RNF150: variants seen among roughly 807,000 people sequenced by gnomAD.
RNF150 encodes ring finger protein 150.
A neutral mutation model predicts 39.3 loss-of-function variants in RNF150; 24 were observed. The ratio of observed to expected loss-of-function variants is 0.61; its 90% confidence interval spans 0.44 to 0.86. The LOEUF is 0.86. Ranked by LOEUF, RNF150 falls within the 40% of genes least tolerant of loss-of-function variation. The pLI is 0.00. For synonymous variants in RNF150, 255 were observed against 227.3 expected (o/e 1.12, Z -1.10); for missense variants, 502 against 587.8 (o/e 0.85, Z 1.51).
intron 1 of RNF150, among the ~76,000 whole-genome samples, chr4:141,153,276 T>C (rs1417208258): frequency 4.6e-5 from 7 of 152,142 alleles, no homozygotes; most frequent in African/African-American, 1.7e-4. Context: ...GTACCACAGA[T>C]GGTGACTGTG....
chr4:140,920,196 T>G (rs1472769411), intron 5 of RNF150, among the ~76,000 whole-genome samples: 1 of 149,532 alleles, frequency 6.7e-6, no homozygotes, highest in Non-Finnish European at 1.5e-5. Context: ...TGGGATCTAA[T>G]TGAACTAAAG....
At chr4:140,987,148 A>G (rs1734041966) in intron 1 of RNF150, among the ~76,000 whole-genome samples, 1 of 152,016 alleles carries the variant, frequency 6.6e-6, no homozygotes, top group Non-Finnish European at 1.5e-5. Context: ...TATTCCATGT[A>G]CATGAATTGG....
Position 140,868,247 on chromosome 4 carries a change from C to T in RNF150, c.*14G>A. ...CTTGGGTCCTACTATCTCTTTGCTT[C>T]TGGATTTGTCGTTTCAAGATTTCAC... On this transcript the variant is annotated 3_prime_UTR_variant, in exon 7 of 7. Coordinates refer to ENST00000515673, the MANE Select transcript of RNF150 (RefSeq NM_020724.2). 1.4e-6 allele frequency: 2 copies of T among 1,454,680 alleles called. No homozygotes were observed. Among genetic ancestry groups the T allele is most frequent in the African/African-American group, 1.4e-5 (1 of 71,750 alleles). 90.1% of individuals were successfully genotyped at this position (1,454,680 alleles called of 1,614,324 possible). A position where few individuals can be genotyped will look rare whatever the true frequency, so the allele number is the denominator to read the frequency against.
intron 1 of RNF150, among the ~76,000 whole-genome samples, chr4:141,123,823 T>C (rs1010039970): frequency 3.3e-5 from 5 of 152,214 alleles, no homozygotes; most frequent in East Asian, 1.9e-4. Context: ...GTCCTTGAGA[T>C]AGTTTTCTCA....
chr4:140,988,467 T>C (rs983709556), intron 1 of RNF150, among the ~76,000 whole-genome samples: 5 of 152,046 alleles, frequency 3.3e-5, no homozygotes, highest in African/African-American at 1.2e-4. Flanking sequence ...TGCAGTTGTA[T>C]TGTGAAAATA....
intron 1 of RNF150, among the ~76,000 whole-genome samples, chr4:141,146,254 C>A (rs1207749397): frequency 6.6e-6 from 1 of 152,170 alleles, no homozygotes; most frequent in Non-Finnish European, 1.5e-5. Context: ...AGCCTTTGAC[C>A]CTGTTTTCCT....
intron 1 of RNF150, among the ~76,000 whole-genome samples, chr4:141,129,739 A>T (rs770112237): frequency 3.3e-5 from 5 of 152,198 alleles, no homozygotes; most frequent in Non-Finnish European, 5.9e-5. Flanking sequence ...AGTGGCAGAA[A>T]ATCAAAATTA....
chr4:141,062,323 T>C (rs1482058454), intron 1 of RNF150, among the ~76,000 whole-genome samples: 2 of 152,106 alleles, frequency 1.3e-5, no homozygotes, highest in African/African-American at 4.8e-5. Context: ...ACATGCATCT[T>C]ATATATATCT....
At chr4:141,030,758 T>A (rs1735912841) in intron 1 of RNF150, among the ~76,000 whole-genome samples, 1 of 151,730 alleles carries the variant, frequency 6.6e-6, no homozygotes, top group Non-Finnish European at 1.5e-5. Flanking sequence ...TCTAAAGTAG[T>A]CAAATTTATA....
chr4:141,036,586 T>C (rs9997698), intron 1 of RNF150, among the ~76,000 whole-genome samples: 12,991 of 152,194 alleles, frequency 0.085, 614 homozygotes, highest in Middle Eastern at 0.18. Context: ...TGAAATTTTT[T>C]GAGAAGGCTT....
intron 1 of RNF150, among the ~76,000 whole-genome samples, chr4:141,167,482 G>C (rs545212558): frequency 6.6e-6 from 1 of 152,140 alleles, no homozygotes; most frequent in Non-Finnish European, 1.5e-5. Flanking sequence ...AGCCCATATA[G>C]CCAAGACAAT....
chr4:141,149,452 G>C (rs564931993), intron 1 of RNF150, among the ~76,000 whole-genome samples: 1 of 152,184 alleles, frequency 6.6e-6, no homozygotes, highest in African/African-American at 2.4e-5. Context: ...CATCCTCATA[G>C]CTTAGCTCCC....
intron 1 of RNF150, among the ~76,000 whole-genome samples, chr4:141,035,940 C>A (rs1022083112): frequency 3.9e-5 from 6 of 152,062 alleles, no homozygotes; most frequent in African/African-American, 1.4e-4. Flanking sequence ...AAAGCTGCAT[C>A]TCTGAGGTTA....
chr4:141,036,435 C>T (rs1274921747), intron 1 of RNF150, among the ~76,000 whole-genome samples: 9 of 152,142 alleles, frequency 5.9e-5, no homozygotes, highest in Admixed American at 5.2e-4. Context: ...TTTAAGTGTG[C>T]AGCATAGTAG....
chr4:141,078,033 AT>A lies in RNF150; in HGVS notation c.484+54291del, dbSNP rs577304746. ...TTTTGACCTGGAAAGAAAAAGAATC[AT>A]TTTTTTTTTCTTGAAACCTAAGAGT... On this transcript the variant is annotated intron_variant, in intron 1 of 6. Transcript: ENST00000515673. Among the ~76,000 whole-genome samples, 33 of 150,770 alleles carry A rather than the reference AT, an allele frequency of 2.2e-4. No individual in the cohort carries two copies. In the South Asian group the frequency reaches 2.7e-3, roughly 13 times the overall value.
At chr4:141,064,422 C>G (rs1238294816) in intron 1 of RNF150, among the ~76,000 whole-genome samples, 1 of 152,114 alleles carries the variant, frequency 6.6e-6, no homozygotes, top group African/African-American at 2.4e-5. Flanking sequence ...GCCTTGAACA[C>G]CGCTTGGCTT....
chr4:140,997,788 A>T (rs930670485), intron 1 of RNF150, among the ~76,000 whole-genome samples: 6 of 152,070 alleles, frequency 3.9e-5, no homozygotes, highest in African/African-American at 1.4e-4. Flanking sequence ...TAAGTGAAAA[A>T]AGCAAAGTCT....
chr4:140,937,993 G>A (rs1306729507), intron 4 of RNF150, among the ~76,000 whole-genome samples: 1 of 152,090 alleles, frequency 6.6e-6, no homozygotes, highest in East Asian at 1.9e-4. Context: ...GCACCGCAGG[G>A]TAAAATCAGG....
intron 1 of RNF150, among the ~76,000 whole-genome samples, chr4:140,995,848 G>A (rs1734349981): frequency 6.6e-6 from 1 of 152,062 alleles, no homozygotes; most frequent in African/African-American, 2.4e-5. Flanking sequence ...TTGTGTATAT[G>A]TACCACATTT....
Sources: allele counts gnomAD v4.1 joint callset (sites outside exome capture counted in the v4.1 genomes callset), GRCh38; gene constraint gnomAD v4.1.1; transcripts MANE v1.5; gene names NCBI Gene and HGNC (gene_info 2026-07-23, HGNC 2026-07-21).